ITPR3: variants seen among roughly 807,000 people sequenced by gnomAD.
ITPR3 encodes the protein inositol 1,4,5-trisphosphate-gated calcium channel ITPR3.
Under a neutral mutation model 293.2 loss-of-function variants are expected in ITPR3, and 173 were observed. That is an observed-to-expected ratio of 0.59 (90% confidence interval 0.52 to 0.67). ITPR3 has a LOEUF of 0.67. Ranked by LOEUF, ITPR3 falls within the 30% of genes least tolerant of loss-of-function variation. The probability of loss-of-function intolerance (pLI) is 0.00; values close to 1 mark genes in which losing one functional copy is unlikely to be tolerated. For missense variants in ITPR3, 2,796 were observed against 3,592.1 expected, an observed-to-expected ratio of 0.78 and a Z score of 5.66; for synonymous variants, 1,295 against 1,444.4, an observed-to-expected ratio of 0.90 and a Z score of 2.35.
In ITPR3 at chr6:33,688,245, C is replaced by T. The variant is rs1765291022; in HGVS notation, c.6382C>T (p.Arg2128Trp). 7 of 1,614,030 alleles carry T rather than the reference C, an allele frequency of 4.3e-6. No individual in the cohort carries two copies. The highest frequency in any genetic ancestry group is 4.5e-5 in the East Asian group (2 of 44,900). ...ENHTSQIEIV[R>W]QDRSMEQIVF... ...ATGTGCTGTGTGTGCTCAGATTGTG[C>T]GGCAGGACCGCAGCATGGAGCAGAT... The change falls in exon 48 of 58, where the codon CGG (arginine) becomes TGG (tryptophan). Residue 2128 changes from arginine (R) to tryptophan (W), a missense_variant. Arg to Trp is a moderately radical substitution (Grantham distance 101). Around this residue, in one of 8 missense-constraint regions of ITPR3, gnomAD observed 568 missense variants for 796.1 expected, o/e 0.71. Transcript: ENST00000605930.
chr6:33,641,818 A>G (rs767838806), intron 2 of ITPR3, among the ~76,000 whole-genome samples: 1 of 152,120 alleles, frequency 6.6e-6, no homozygotes, highest in Non-Finnish European at 1.5e-5. Flanking sequence ...CCAGATGCTC[A>G]GCAGCTTTAG....
intron 33 of ITPR3, among the ~76,000 whole-genome samples, chr6:33,681,116 G>A (rs1259255143): frequency 6.6e-6 from 1 of 152,166 alleles, no homozygotes; most frequent in Non-Finnish European, 1.5e-5. Flanking sequence ...ACCGCGCCCG[G>A]CCTAAGTATA....
chr6:33,683,418 C>T lies in ITPR3; in HGVS notation c.4788+21C>T. The T allele has an allele frequency of 6.7e-7, 1 of 1,499,022 alleles. No individual in the cohort carries two copies. Among genetic ancestry groups the T allele is most frequent in the Non-Finnish European group, 9.0e-7 (1 of 1,114,880 alleles). The allele number at this position is 1,499,022 out of a possible 1,614,324, so 92.9% of individuals were successfully genotyped here. On this transcript the variant is annotated intron_variant, in intron 35 of 57. Coordinates refer to ENST00000605930, the MANE Select transcript of ITPR3 (RefSeq NM_002224.4). The surrounding 1 kb of genome is among the most constrained non-coding windows in gnomAD (Gnocchi z 4.5). ...TGCAGGTGGGTGTGGGGCTGCCTGG[C>T]ATCTGCCTCGGGAGCTGCTTGGTTG...
In ITPR3 at chr6:33,632,261, C is replaced by T. The variant is rs1220520842; in HGVS notation, c.90-8223C>T. 6.6e-6 allele frequency among the ~76,000 whole-genome samples: 1 copy of T among 152,128 alleles called. No homozygotes were observed. The highest frequency in any genetic ancestry group is 1.5e-5 in the Non-Finnish European group (1 of 68,012). On this transcript the variant is annotated intron_variant, in intron 1 of 57. Transcript: ENST00000605930. This position sits in a 1 kb window ranked among gnomAD's most constrained non-coding sequence, Gnocchi z 4.1. ...GTGGGGGGAGGGTTGTTCAGGGTCC[C>T]TCGGGGATTTCCCCAGTCTGTCATT...
chr6:33,679,206 C>T lies in ITPR3; in HGVS notation c.3972+367C>T, dbSNP rs145924676. On this transcript the variant is annotated intron_variant, in intron 30 of 57. Transcript: ENST00000605930. This position sits in a 1 kb window ranked among gnomAD's most constrained non-coding sequence, Gnocchi z 4.2. ...GGGGGACATCAGCTGAGTGTCAGCT[C>T]CTGGGGGGCACGGGCAGGGACCCCA... is the stretch of plus-strand genomic sequence containing the variant. Among the ~76,000 whole-genome samples the T allele has an allele frequency of 0.01, 1,525 of 152,286 alleles. 17 individuals are homozygous for T. The highest frequency in any genetic ancestry group is 0.017 in the Non-Finnish European group (1,131 of 68,020).
At chr6:33,680,299 T>C in intron 31 of ITPR3, 30 bp from the exon 32 acceptor site, 1 of 1,601,524 alleles carries the variant, frequency 6.2e-7, no homozygotes, top group Non-Finnish European at 8.5e-7. Flanking sequence ...CGGCCCTGCT[T>C]GCGCCCCTGA....
In ITPR3 at chr6:33,695,851, CT is replaced by C; in HGVS notation, c.*72del. On this transcript the variant is annotated 3_prime_UTR_variant, in exon 58 of 58. Transcript: ENST00000605930. Reference sequence around the variant, plus strand: ...CTGCGACTGGGAAGAACACTGCCCCCTCCCTCGGGTTGGGTGGCCCAGCCAG... The same window carrying C: ...CTGCGACTGGGAAGAACACTGCCCCCCCCTCGGGTTGGGTGGCCCAGCCAG... 6.6e-7 allele frequency: 1 copy of C among 1,508,926 alleles called. No homozygotes were observed. The highest frequency in any genetic ancestry group is 1.1e-5 in the South Asian group (1 of 88,780). 93.5% of individuals were successfully genotyped at this position (1,508,926 alleles called of 1,614,324 possible).
At position 33,687,580 on chromosome 6, in the gene ITPR3, G is replaced by A. The variant is rs369312985; in HGVS notation, c.6264+16G>A. The A allele has an allele frequency of 1.3e-4, 208 of 1,595,024 alleles. 2 individuals are homozygous for A. In the South Asian group the frequency reaches 1.4e-3, roughly 10 times the overall value. Reference sequence around the variant, plus strand: ...CTCTTCCATGGTGGGTGCTGGCCCCGAGACTGGGGTGGGGGTGGGGCCTGG... The same window carrying A: ...CTCTTCCATGGTGGGTGCTGGCCCCAAGACTGGGGTGGGGGTGGGGCCTGG... On this transcript the variant is annotated intron_variant, in intron 46 of 57. Transcript: ENST00000605930. This position sits in a 1 kb window ranked among gnomAD's most constrained non-coding sequence, Gnocchi z 5.3.
chr6:33,691,947 T>G lies in ITPR3; in HGVS notation c.7458+19T>G, dbSNP rs763139698. 52 of 1,613,216 alleles carry G rather than the reference T, an allele frequency of 3.2e-5. No individual in the cohort carries two copies. The highest frequency in any genetic ancestry group is 2.8e-5 in the Non-Finnish European group (33 of 1,179,952). ...CAAAGATGTGAGCACTCCTGCCCACTCCCAAACCTGTGGGGCCCAAGCCAC... is the reference window on the plus strand; with the variant it reads ...CAAAGATGTGAGCACTCCTGCCCACGCCCAAACCTGTGGGGCCCAAGCCAC... On this transcript the variant is annotated intron_variant, in intron 54 of 57. Coordinates refer to ENST00000605930, the MANE Select transcript of ITPR3 (RefSeq NM_002224.4). This position sits in a 1 kb window ranked among gnomAD's most constrained non-coding sequence, Gnocchi z 4.9.
In ITPR3 at chr6:33,633,748, G is replaced by A. The variant is rs1234558354; in HGVS notation, c.90-6736G>A. 6.9e-6 allele frequency among the ~76,000 whole-genome samples: 1 copy of A among 145,336 alleles called. No individual in the cohort carries two copies. The highest frequency in any genetic ancestry group is 2.5e-5 in the African/African-American group (1 of 40,450). On this transcript the variant is annotated intron_variant, in intron 1 of 57. Transcript: ENST00000605930. The surrounding 1 kb of genome is among the most constrained non-coding windows in gnomAD (Gnocchi z 5.2). ...GGGACGGCGAGTTTCGCTTCGCCGC[G>A]GGGGCGGGGGCGGGGCCGGGGCCGG...
At chr6:33,685,063 G>C (rs1247452145) in intron 39 of ITPR3, 120 bp downstream of exon 39, 7 of 1,180,420 alleles carry the variant, frequency 5.9e-6, no homozygotes, top group Non-Finnish European at 8.3e-6. Context: ...GGCCTGAGCA[G>C]TGGCTGAGAG....
At chr6:33,635,020 C>T (rs1004853500) in intron 1 of ITPR3, among the ~76,000 whole-genome samples, 2 of 152,176 alleles carry the variant, frequency 1.3e-5, no homozygotes, top group Non-Finnish European at 2.9e-5. Context: ...CTCCATGCTG[C>T]CCTGCGGCTC....
rs184074785 is a variant in ITPR3 at position 33,680,112 on chromosome 6, G to A, written c.4203G>A (p.Thr1401=). The A allele has an allele frequency of 1.9e-4, 301 of 1,613,480 alleles. No homozygotes were observed. Among genetic ancestry groups the A allele is most frequent in the Admixed American group, 5.7e-4 (34 of 60,026 alleles). Residue 1401 remains threonine, a synonymous_variant, in exon 31 of 58, where the codon ACG becomes ACA. Transcript: ENST00000605930. The part of the protein sequence containing the change: ...LPLEDVVSVV[T]HEDCITEVKM... The stretch of plus-strand genomic sequence containing the variant: ...TGGAGGACGTGGTGTCTGTGGTGAC[G>A]CATGAGGACTGCATCACTGAGGTGG...
Position 33,665,910 on chromosome 6 carries a change from C to T in ITPR3, c.1485C>T (p.Asp495=). The T allele has an allele frequency of 6.2e-7, 1 of 1,614,236 alleles. No homozygotes were observed. Among genetic ancestry groups the T allele is most frequent in the Non-Finnish European group, 8.5e-7 (1 of 1,180,036 alleles). Residue 495 remains aspartate, a synonymous_variant, in exon 14 of 58, where the codon GAC becomes GAT. Coordinates refer to ENST00000605930, the MANE Select transcript of ITPR3 (RefSeq NM_002224.4). The part of the protein sequence containing the change: ...DVPNNGQNVL[D]IMVTKPNRER... ...CCAACAATGGGCAGAATGTCCTGGACATCATGGTCACTAAGCCCAACCGGG... is the reference window on the plus strand; with the variant it reads ...CCAACAATGGGCAGAATGTCCTGGATATCATGGTCACTAAGCCCAACCGGG...
In ITPR3 at chr6:33,684,985, C is replaced by T. The variant is rs116658922; in HGVS notation, c.5307+42C>T. The T allele has an allele frequency of 4.2e-3, 6,530 of 1,565,686 alleles. 26 individuals carry two copies. The highest frequency in any genetic ancestry group is 6.8e-3 in the African/African-American group (500 of 73,964). ...GCCTGGACATGCCCTCCTTTGCCTCCCTCCCTTTTTGGAGGAGGTGGGCCT... is the reference window on the plus strand; with the variant it reads ...GCCTGGACATGCCCTCCTTTGCCTCTCTCCCTTTTTGGAGGAGGTGGGCCT... On this transcript the variant is annotated intron_variant, in intron 39 of 57. Coordinates refer to ENST00000605930, the MANE Select transcript of ITPR3 (RefSeq NM_002224.4). This position sits in a 1 kb window ranked among gnomAD's most constrained non-coding sequence, Gnocchi z 4.2.
rs1290391838 is a variant in ITPR3, at chr6:33,684,328, G to T, written c.4938-29G>T. ...AGCTGGAGGGAGGCAGTGTGGGGCT[G>T]CCCTGAGCTGCCTCCTTGGCCGGCT... is the stretch of plus-strand genomic sequence containing the variant. On this transcript the variant is annotated intron_variant, in intron 36 of 57. Coordinates refer to ENST00000605930, the MANE Select transcript of ITPR3 (RefSeq NM_002224.4). The surrounding 1 kb of genome is among the most constrained non-coding windows in gnomAD (Gnocchi z 4.2). The T allele has an allele frequency of 1.2e-6, 2 of 1,606,124 alleles. No individual in the cohort carries two copies. Among genetic ancestry groups the T allele is most frequent in the Non-Finnish European group, 1.7e-6 (2 of 1,173,322 alleles).
At chr6:33,695,650 C>A in intron 57 of ITPR3, 62 bp from the exon 58 acceptor site, 1 of 1,518,104 alleles carries the variant, frequency 6.6e-7, no homozygotes, top group Non-Finnish European at 9.1e-7. Flanking sequence ...TCTTCCACAG[C>A]ACCCATGGAG....
rs114258620 is a variant in ITPR3 at position 33,670,101 on chromosome 6, T to C, written c.2190-224T>C. Among the ~76,000 whole-genome samples, 1,432 of 151,930 alleles carry C rather than the reference T, an allele frequency of 9.4e-3. 11 individuals carry two copies. The highest frequency in any genetic ancestry group is 0.022 in the African/African-American group (927 of 41,506). ...CATCTTTCAGACGTCCCTCTTCCCA[T>C]GAAGACCTGTCCTGGCTGAGCCTTA... On this transcript the variant is annotated intron_variant, in intron 18 of 57. Transcript: ENST00000605930. This position sits in a 1 kb window ranked among gnomAD's most constrained non-coding sequence, Gnocchi z 6.7.
intron 3 of ITPR3, among the ~76,000 whole-genome samples, chr6:33,657,534 G>T (rs376125125): frequency 3.3e-5 from 5 of 151,758 alleles, no homozygotes; most frequent in East Asian, 3.9e-4. Flanking sequence ...CTGGGACAAG[G>T]GTCCCGTGTC....
Sources: allele counts gnomAD v4.1 joint callset (sites outside exome capture counted in the v4.1 genomes callset), GRCh38; gene constraint gnomAD v4.1.1; regional missense constraint gnomAD v4.1.1; non-coding constraint Gnocchi (gnomAD v3.1); transcripts MANE v1.5; gene names NCBI Gene and HGNC (gene_info 2026-07-23, HGNC 2026-07-21).